The following AGBL4 variants were observed in gnomAD, a reference collection of about 807,000 sequenced individuals.
AGBL4 encodes the protein cytosolic carboxypeptidase 6.
AGBL4 carries 58 observed loss-of-function variants against 66.4 expected under a neutral mutation model. The observed-to-expected ratio is 0.87, with a 90% CI of 0.71 to 1.09. The LOEUF (loss-of-function observed/expected upper bound fraction) is 1.09. Ranked by LOEUF, AGBL4 falls within the 50% of genes least tolerant of loss-of-function variation. AGBL4 has a pLI of 0.00. For missense variants in AGBL4, 579 were observed against 631.0 expected (o/e 0.92, Z 0.88); for synonymous variants, 234 against 222.9 (o/e 1.05, Z -0.44).
intron 3 of AGBL4, among the ~76,000 whole-genome samples, chr1:49,562,272 G>A (rs1296028474): frequency 1.3e-5 from 2 of 152,132 alleles, no homozygotes; most frequent in African/African-American, 2.4e-5. Flanking sequence ...TGTTCACTCT[G>A]ATGGTGGTTT....
At chr1:49,469,456 G>A (rs1646697140) in intron 3 of AGBL4, among the ~76,000 whole-genome samples, 1 of 151,738 alleles carries the variant, frequency 6.6e-6, no homozygotes, top group South Asian at 2.1e-4. Flanking sequence ...TGAGCTTAAA[G>A]CTTTAGGGAT....
chr1:49,229,926 C>G (rs1650181076), intron 4 of AGBL4, among the ~76,000 whole-genome samples: 1 of 151,800 alleles, frequency 6.6e-6, no homozygotes, highest in African/African-American at 2.4e-5. Flanking sequence ...ACTCACCCCA[C>G]CTTATCTAAC....
chr1:49,149,007 T>G (rs1349848283), intron 4 of AGBL4, among the ~76,000 whole-genome samples: 1 of 152,210 alleles, frequency 6.6e-6, no homozygotes, highest in Non-Finnish European at 1.5e-5. Context: ...TCTAGAGCTC[T>G]GAGATACTGA....
chr1:48,617,427 C>T (rs1645337641), intron 9 of AGBL4, among the ~76,000 whole-genome samples: 1 of 152,140 alleles, frequency 6.6e-6, no homozygotes, highest in Non-Finnish European at 1.5e-5. Context: ...CTAACAGTTG[C>T]CTTTGGCCAA....
chr1:48,995,624 T>C (rs1204236364), intron 5 of AGBL4, among the ~76,000 whole-genome samples: 1 of 152,222 alleles, frequency 6.6e-6, no homozygotes, highest in African/African-American at 2.4e-5. Context: ...TCAACTAGAA[T>C]GATCAGGAAA....
At chr1:48,553,869 C>T (rs1459258248) in intron 11 of AGBL4, among the ~76,000 whole-genome samples, 1 of 152,058 alleles carries the variant, frequency 6.6e-6, no homozygotes, top group Non-Finnish European at 1.5e-5. Context: ...TGGCAGAGTG[C>T]AGGGGAGTAA....
chr1:49,609,676 C>T (rs961221315), intron 3 of AGBL4, among the ~76,000 whole-genome samples: 34 of 151,976 alleles, frequency 2.2e-4, no homozygotes, highest in African/African-American at 7.5e-4. Flanking sequence ...CCCTGGGAGT[C>T]GACATACATA....
intron 1 of AGBL4, among the ~76,000 whole-genome samples, 159 bp from the exon 2 acceptor site, chr1:49,851,677 G>T (rs920624243): frequency 1.3e-5 from 2 of 152,052 alleles, no homozygotes; most frequent in African/African-American, 2.4e-5. Context: ...GCTACATTTT[G>T]AAACAAAATG....
intron 4 of AGBL4, among the ~76,000 whole-genome samples, chr1:49,177,107 C>G (rs939465644): frequency 6.6e-6 from 1 of 152,092 alleles, no homozygotes; most frequent in Non-Finnish European, 1.5e-5. Context: ...ACACATGGTA[C>G]AGCAGGAAAA....
At chr1:48,825,390 G>C (rs1395094846) in intron 6 of AGBL4, among the ~76,000 whole-genome samples, 1 of 152,082 alleles carries the variant, frequency 6.6e-6, no homozygotes, top group East Asian at 1.9e-4. Context: ...CCTCAGAAAA[G>C]CCCTCCTTGA....
intron 1 of AGBL4, among the ~76,000 whole-genome samples, chr1:49,986,158 A>C (rs1280277704): frequency 1.3e-5 from 2 of 152,196 alleles, no homozygotes; most frequent in South Asian, 2.1e-4. Flanking sequence ...TTTATATAAC[A>C]ATCACCCACA....
rs1380953526 is a variant in AGBL4, at chr1:49,004,056, C to A, written c.594+41528G>T. ...TAAACTGGGTGCTAATTGGCCCCAACTCAAAAGATTCACATCTCATTTCCA... is the reference window on the plus strand; with the variant it reads ...TAAACTGGGTGCTAATTGGCCCCAAATCAAAAGATTCACATCTCATTTCCA... On this transcript the variant is annotated intron_variant, in intron 5 of 13. Transcript: ENST00000371839. Among the ~76,000 whole-genome samples, 3 of 152,216 alleles carry A rather than the reference C, an allele frequency of 2.0e-5. 1 individual carries two copies. The highest frequency in any genetic ancestry group is 4.8e-5 in the African/African-American group (2 of 41,456).
At chr1:49,118,092 C>T (rs780641370) in intron 4 of AGBL4, among the ~76,000 whole-genome samples, 1 of 152,160 alleles carries the variant, frequency 6.6e-6, no homozygotes, top group Admixed American at 6.5e-5. Flanking sequence ...GCTGAAGTTG[C>T]TTATCAGCTT....
At chr1:48,742,628 C>A in intron 6 of AGBL4, 1 of 1,558,926 alleles carries the variant, frequency 6.4e-7, no homozygotes, top group Non-Finnish European at 8.7e-7. Context: ...ACTACCTTGC[C>A]ATTGTCTAGG....
intron 4 of AGBL4, among the ~76,000 whole-genome samples, chr1:49,192,712 G>C (rs932803015): frequency 6.6e-6 from 1 of 152,172 alleles, no homozygotes; most frequent in Non-Finnish European, 1.5e-5. Context: ...AATATGAATA[G>C]TAACCTTACA....
At chr1:48,638,800 CGAA>C (rs1478913703) in intron 8 of AGBL4, among the ~76,000 whole-genome samples, 3 of 152,208 alleles carry the variant, frequency 2.0e-5, no homozygotes, top group African/African-American at 4.8e-5. Flanking sequence ...TGGCAGACAT[CGAA>C]GAAGTAGTTG....
intron 6 of AGBL4, among the ~76,000 whole-genome samples, chr1:48,837,259 C>G (rs1646698470): frequency 6.6e-6 from 1 of 151,860 alleles, no homozygotes; most frequent in South Asian, 2.1e-4. Context: ...TTTGACTTGT[C>G]TGAGTAACAA....
chr1:48,790,885 G>A (rs1645532770), intron 6 of AGBL4, among the ~76,000 whole-genome samples: 1 of 152,112 alleles, frequency 6.6e-6, no homozygotes, highest in African/African-American at 2.4e-5. Context: ...TTCAAGACCA[G>A]CCTGGGCAAC....
chr1:49,974,194 T>C (rs1220242910), intron 1 of AGBL4, among the ~76,000 whole-genome samples: 1 of 151,948 alleles, frequency 6.6e-6, no homozygotes, highest in East Asian at 1.9e-4. Flanking sequence ...ACCAGAAACA[T>C]GTAGACAAGT....
Sources: allele counts gnomAD v4.1 joint callset (sites outside exome capture counted in the v4.1 genomes callset), GRCh38; gene constraint gnomAD v4.1.1; transcripts MANE v1.5; gene names NCBI Gene and HGNC (gene_info 2026-07-23, HGNC 2026-07-21).